MTOR: variants seen among roughly 807,000 people sequenced by gnomAD.
MTOR encodes the protein serine/threonine-protein kinase mTOR.
A neutral mutation model predicts 319.8 loss-of-function variants in MTOR; 70 were observed. The observed-to-expected ratio is 0.22, with a 90% CI of 0.18 to 0.27. MTOR has a LOEUF of 0.27. Ranked by LOEUF, MTOR falls within the 10% of genes least tolerant of loss-of-function variation. MTOR has a pLI of 1.00. For missense variants in MTOR, 1,890 were observed against 3,274.4 expected, an observed-to-expected ratio of 0.58 and a Z score of 10.32; for synonymous variants, 1,183 against 1,211.4, an observed-to-expected ratio of 0.98 and a Z score of 0.49.
chr1:11,166,547 C>T (rs1644649709), intron 29 of MTOR, among the ~76,000 whole-genome samples: 1 of 152,152 alleles, frequency 6.6e-6, no homozygotes. Flanking sequence ...CAATGAGATA[C>T]CATCTCACAC....
chr1:11,190,087 T>G, intron 28 of MTOR: 4 of 1,084,302 alleles, frequency 3.7e-6, no homozygotes, highest in Non-Finnish European at 5.2e-6. Flanking sequence ...TAAAGGCTTA[T>G]GCAGTATTTC....
At chr1:11,167,994 T>A (rs1644700463) in intron 28 of MTOR, among the ~76,000 whole-genome samples, 1 of 149,624 alleles carries the variant, frequency 6.7e-6, no homozygotes, top group South Asian at 2.1e-4. Flanking sequence ...GGCGTGAACC[T>A]GGGAGGCAGA....
At chr1:11,138,660 T>C (rs958536665) in intron 36 of MTOR, among the ~76,000 whole-genome samples, 1 of 152,142 alleles carries the variant, frequency 6.6e-6, no homozygotes, top group Admixed American at 6.5e-5. Flanking sequence ...CCTCTTCCTT[T>C]TAAGAAGGAG....
chr1:11,202,882 C>T (rs969849317), intron 26 of MTOR, among the ~76,000 whole-genome samples: 15 of 150,518 alleles, frequency 1.0e-4, no homozygotes, highest in Admixed American at 3.3e-4. Context: ...CACTCCAGCC[C>T]GGGCAGCAGA....
intron 25 of MTOR, among the ~76,000 whole-genome samples, chr1:11,208,421 T>C (rs1207240169): frequency 6.6e-6 from 1 of 152,282 alleles, no homozygotes; most frequent in African/African-American, 2.4e-5. Flanking sequence ...CAAAGGACTG[T>C]GTTCAAATCT....
At chr1:11,189,540 C>A (rs1171925091) in intron 28 of MTOR, 2 of 1,554,284 alleles carry the variant, frequency 1.3e-6, no homozygotes, top group Non-Finnish European at 1.7e-6. Flanking sequence ...TCTCCAGACT[C>A]CCCTGAAGGA....
rs187800049 is a variant in MTOR, at chr1:11,148,593, C to T, written c.4570+1533G>A. ...GCAGGAACCTAAAGAGACTTCTCCTCATCTCTCTTTAAAACAAAAAAATTA... is the reference window on the plus strand; with the variant it reads ...GCAGGAACCTAAAGAGACTTCTCCTTATCTCTCTTTAAAACAAAAAAATTA... On this transcript the variant is annotated intron_variant, in intron 31 of 57. Coordinates refer to ENST00000361445, the MANE Select transcript of MTOR (RefSeq NM_004958.4). Among the ~76,000 whole-genome samples, 41 of 152,198 alleles carry T rather than the reference C, an allele frequency of 2.7e-4. 1 individual carries two copies. The East Asian group carries it at 7.7e-3, about 29-fold the overall frequency.
chr1:11,255,768 AC>A (rs2100973675), intron 5 of MTOR, among the ~76,000 whole-genome samples: 1 of 145,772 alleles, frequency 6.9e-6, no homozygotes, highest in African/African-American at 2.5e-5. Context: ...AATCGCTTGA[AC>A]CCAAGAGGCG....
chr1:11,177,025 A>G (rs1458728499), intron 28 of MTOR, among the ~76,000 whole-genome samples: 2 of 152,178 alleles, frequency 1.3e-5, no homozygotes, highest in Admixed American at 1.3e-4. Context: ...GGCTGCCGGA[A>G]TGCAGACAGG....
At chr1:11,243,457 C>A (rs1243267957) in intron 8 of MTOR, among the ~76,000 whole-genome samples, 157 bp from the exon 9 acceptor site, 3 of 151,594 alleles carry the variant, frequency 2.0e-5, no homozygotes, top group African/African-American at 7.3e-5. Flanking sequence ...TTTGGGAGGC[C>A]AAGGAGAGAG....
chr1:11,216,267 C>A, intron 19 of MTOR, 33 bp from the exon 20 acceptor site: 1 of 1,545,294 alleles, frequency 6.5e-7, no homozygotes, highest in African/African-American at 1.4e-5. Context: ...CAGCTGGTAT[C>A]ATGAAGGACA....
chr1:11,242,655 T>G (rs1272352455), intron 9 of MTOR, among the ~76,000 whole-genome samples: 3 of 152,220 alleles, frequency 2.0e-5, no homozygotes, highest in African/African-American at 7.2e-5. Flanking sequence ...AGTCTCTCCA[T>G]CTGGCAGGAT....
intron 28 of MTOR, among the ~76,000 whole-genome samples, chr1:11,187,222 C>T (rs1645348380): frequency 6.7e-6 from 1 of 150,064 alleles, no homozygotes; most frequent in East Asian, 2.0e-4. Context: ...ATGAGAGTTC[C>T]AAGGCAGCAG....
At chr1:11,158,838 C>A (rs1644391787) in intron 29 of MTOR, among the ~76,000 whole-genome samples, 1 of 151,850 alleles carries the variant, frequency 6.6e-6, no homozygotes, top group South Asian at 2.1e-4. Context: ...TTTTGAATTG[C>A]AATAGATTGC....
rs763950312 is a variant in MTOR, at chr1:11,231,420, G to C, written c.2529C>G (p.Thr843=). 7.4e-6 allele frequency: 12 copies of C among 1,613,996 alleles called. No homozygotes were observed. Among genetic ancestry groups the C allele is most frequent in the Non-Finnish European group, 1.0e-5 (12 of 1,179,982 alleles). The change falls in exon 17 of 58, where the codon ACC becomes ACG. Residue 843 remains threonine, a synonymous_variant. Transcript: ENST00000361445. ...LLAKRQVALW[T]LGQLVASTGY... is the part of the protein sequence containing the mutation. ...CAGTGCTGGCCACCAACTGTCCCAGGGTCCACAGAGCCACCTGGATAGGCA... is the reference window on the plus strand; with the variant it reads ...CAGTGCTGGCCACCAACTGTCCCAGCGTCCACAGAGCCACCTGGATAGGCA...
chr1:11,182,404 ATAC>A (rs1645190058), intron 28 of MTOR, among the ~76,000 whole-genome samples: 1 of 152,216 alleles, frequency 6.6e-6, no homozygotes, highest in African/African-American at 2.4e-5. Flanking sequence ...ACTTGGTACA[ATAC>A]TACTACTTGA....
chr1:11,213,084 T>C (rs1007960205), intron 21 of MTOR, among the ~76,000 whole-genome samples, 176 bp from the exon 22 acceptor site: 1 of 152,242 alleles, frequency 6.6e-6, no homozygotes, highest in Non-Finnish European at 1.5e-5. Context: ...TTTATTTGCT[T>C]ACATATTACT....
intron 32 of MTOR, 99 bp downstream of exon 32, chr1:11,146,577 A>T (rs1643937251): frequency 3.5e-6 from 3 of 862,702 alleles, no homozygotes; most frequent in Non-Finnish European, 5.8e-6. Flanking sequence ...AGTAAACATC[A>T]GACCTGAAGT....
intron 28 of MTOR, chr1:11,194,829 G>A (rs915870233): frequency 6.2e-7 from 1 of 1,612,904 alleles, no homozygotes. Flanking sequence ...CAACTTACTA[G>A]CACTGGGTCT....
Sources: allele counts gnomAD v4.1 joint callset (sites outside exome capture counted in the v4.1 genomes callset), GRCh38; gene constraint gnomAD v4.1.1; transcripts MANE v1.5; gene names NCBI Gene and HGNC (gene_info 2026-07-23, HGNC 2026-07-21).